MAD1L1: variants seen among roughly 807,000 people sequenced by gnomAD.
MAD1L1 encodes the protein mitotic arrest deficient 1 like 1.
In MAD1L1, 95 loss-of-function variants were observed where a neutral mutation model predicts 96.9. The ratio of observed to expected loss-of-function variants is 0.98; its 90% CI spans 0.83 to 1.16. The LOEUF is 1.16. MAD1L1 is among the 50% of genes most tolerant of loss of function. The probability of loss-of-function intolerance (pLI) is 0.00; values close to 1 mark genes in which losing one functional copy is unlikely to be tolerated. For synonymous variants in MAD1L1, 473 were observed against 396.6 expected, an observed-to-expected ratio of 1.19 and a Z score of -2.29; for missense variants, 1,007 against 954.4, an observed-to-expected ratio of 1.06 and a Z score of -0.73.
In MAD1L1 at chr7:1,820,039, G is replaced by A. The variant is rs1782043612; in HGVS notation, c.1999-3811C>T. Among the ~76,000 whole-genome samples the A allele has an allele frequency of 2.0e-5, 3 of 152,120 alleles. No homozygotes were observed. In the South Asian group the frequency reaches 6.2e-4, roughly 32 times the overall value. ...GAAACGATGCTACTTCGAGATACTG[G>A]GAAGTTATGTGAATGCTGTTCATCT... On this transcript the variant is annotated intron_variant, in intron 18 of 18. Coordinates refer to ENST00000265854, the MANE Select transcript of MAD1L1 (RefSeq NM_001013836.2).
intron 18 of MAD1L1, among the ~76,000 whole-genome samples, chr7:1,887,188 T>C (rs570328906): frequency 6.6e-6 from 1 of 152,368 alleles, no homozygotes; most frequent in East Asian, 1.9e-4. Flanking sequence ...ATGGGACGCC[T>C]GGGAGAGACA....
At chr7:2,102,223 TCGCCAC>T (rs1292345651) in intron 11 of MAD1L1, among the ~76,000 whole-genome samples, 1 of 143,648 alleles carries the variant, frequency 7.0e-6, no homozygotes, top group African/African-American at 2.6e-5. Flanking sequence ...ACCGCCACCG[TCGCCAC>T]CGCCACCACC....
rs889451091 is a variant in MAD1L1 at position 2,019,903 on chromosome 7, GT to G, written c.1219-5262del. On this transcript the variant is annotated intron_variant, in intron 12 of 18. Coordinates refer to ENST00000265854, the MANE Select transcript of MAD1L1 (RefSeq NM_001013836.2). Reference sequence around the variant, plus strand: ...CCTGGGCCTGCTGCCCCTAAACGAGGTTTTTTTTTTTGACAACTGACTGTTT... The same window carrying G: ...CCTGGGCCTGCTGCCCCTAAACGAGGTTTTTTTTTTGACAACTGACTGTTT... 5.9e-4 allele frequency among the ~76,000 whole-genome samples: 88 copies of G among 149,520 alleles called. 1 individual carries two copies. In the South Asian group the frequency reaches 5.9e-3, roughly 10 times the overall value.
At chr7:2,127,487 C>T (rs1788286695) in intron 11 of MAD1L1, among the ~76,000 whole-genome samples, 1 of 152,202 alleles carries the variant, frequency 6.6e-6, no homozygotes, top group South Asian at 2.1e-4. Context: ...GGAGGAGCAG[C>T]TGCACACGGG....
At chr7:1,994,658 G>A (rs759295805) in intron 14 of MAD1L1, among the ~76,000 whole-genome samples, 5 of 152,106 alleles carry the variant, frequency 3.3e-5, no homozygotes, top group Admixed American at 1.3e-4. Flanking sequence ...GGAGCCTCGG[G>A]GGGGGGATTA....
Position 2,149,209 on chromosome 7 carries a change from A to G in MAD1L1, c.1016T>C (p.Val339Ala), listed in dbSNP as rs1562731415. ...RTPEDLSRFV[V>A]ELQQRELALK... ...GGCAAGCTCCCTCTGCTGCAGCTCA[A>G]CCACGAATCTGGAAAGGTCTTCTGG... Residue 339 changes from valine to alanine, a missense_variant, in exon 11 of 19, where the codon GTT (valine) becomes GCT (alanine). Transcript: ENST00000265854. The G allele has an allele frequency of 6.2e-7, 1 of 1,614,080 alleles. No homozygotes were observed. The highest frequency in any genetic ancestry group is 8.5e-7 in the Non-Finnish European group (1 of 1,180,012).
At chr7:2,185,837 C>T (rs190298814) in intron 10 of MAD1L1, among the ~76,000 whole-genome samples, 278 of 152,340 alleles carry the variant, frequency 1.8e-3, no homozygotes, top group Middle Eastern at 6.8e-3. Flanking sequence ...ACCGGACTCA[C>T]CCCCACCCCC....
At chr7:2,027,114 A>C (rs981702541) in intron 12 of MAD1L1, among the ~76,000 whole-genome samples, 4 of 152,188 alleles carry the variant, frequency 2.6e-5, no homozygotes, top group Non-Finnish European at 4.4e-5. Context: ...TTTTGATAAA[A>C]TGAAGTTTTA....
intron 12 of MAD1L1, among the ~76,000 whole-genome samples, chr7:2,023,531 G>A (rs893695364): frequency 3.3e-5 from 5 of 152,164 alleles, no homozygotes; most frequent in Non-Finnish European, 7.3e-5. Context: ...CAAAAGCCAT[G>A]CTTAGAGGAA....
chr7:2,141,957 G>A lies in MAD1L1; in HGVS notation c.1073+7195C>T, dbSNP rs551100581. ...CACCAGCCAGGCCAGGGTCGCCGGGGCAGCCATCACCGGCCAGCAGGTGGA... is the reference window on the plus strand; with the variant it reads ...CACCAGCCAGGCCAGGGTCGCCGGGACAGCCATCACCGGCCAGCAGGTGGA... On this transcript the variant is annotated intron_variant, in intron 11 of 18. Transcript: ENST00000265854. Among the ~76,000 whole-genome samples, 150 of 152,340 alleles carry A rather than the reference G, an allele frequency of 9.8e-4. No individual in the cohort carries two copies. The South Asian group carries it at 0.01, about 10-fold the overall frequency.
chr7:1,912,557 C>T (rs1184854118), intron 17 of MAD1L1, among the ~76,000 whole-genome samples: 7 of 152,152 alleles, frequency 4.6e-5, no homozygotes, highest in South Asian at 4.1e-4. Flanking sequence ...TCCCTGCCGC[C>T]GATGCATCAG....
chr7:1,926,127 C>A (rs768403638), intron 17 of MAD1L1, among the ~76,000 whole-genome samples: 1 of 152,160 alleles, frequency 6.6e-6, no homozygotes, highest in Non-Finnish European at 1.5e-5. Flanking sequence ...AGAGCACAGA[C>A]AATTCACTGC....
chr7:1,828,483 G>A (rs948437494), intron 18 of MAD1L1, among the ~76,000 whole-genome samples: 1 of 152,206 alleles, frequency 6.6e-6, no homozygotes, highest in Non-Finnish European at 1.5e-5. Flanking sequence ...GGCTGGACCA[G>A]TGCCTGTCTC....
chr7:2,000,828 G>A (rs1342744126), intron 14 of MAD1L1, among the ~76,000 whole-genome samples: 48 of 152,242 alleles, frequency 3.2e-4, no homozygotes, highest in Admixed American at 3.1e-3. Context: ...CCTTGGTCCT[G>A]CAGATGCCAG....
intron 18 of MAD1L1, among the ~76,000 whole-genome samples, chr7:1,897,060 C>T (rs557818242): frequency 6.6e-6 from 1 of 150,872 alleles, no homozygotes; most frequent in South Asian, 2.1e-4. Flanking sequence ...ATCTGAGAAG[C>T]AGGAAATCCA....
At chr7:2,018,999 G>A (rs10254204) in intron 12 of MAD1L1, among the ~76,000 whole-genome samples, 122,752 of 152,118 alleles carry the variant, frequency 0.81, 52,316 homozygotes, top group Non-Finnish European at 0.95. Context: ...GAAATGTATG[G>A]TCATAAATAG....
chr7:1,911,655 C>T (rs1013749121), intron 17 of MAD1L1, among the ~76,000 whole-genome samples: 2 of 152,200 alleles, frequency 1.3e-5, no homozygotes, highest in Non-Finnish European at 2.9e-5. Flanking sequence ...CCCTCTTGGG[C>T]ATCCCAACCC....
chr7:2,141,840 C>T lies in MAD1L1; in HGVS notation c.1073+7312G>A, dbSNP rs1045274357. Among the ~76,000 whole-genome samples the T allele has an allele frequency of 4.6e-5, 7 of 152,360 alleles. No homozygotes were observed. The East Asian group carries it at 1.4e-3, about 29-fold the overall frequency. On this transcript the variant is annotated intron_variant, in intron 11 of 18. Transcript: ENST00000265854. ...GGCCCAGCTCCTCCACATGGCCTGG[C>T]TCCCGGGACAGGTGCCGCCAAGTCC...
intron 5 of MAD1L1, among the ~76,000 whole-genome samples, chr7:2,219,992 C>A (rs1034247707): frequency 6.6e-6 from 1 of 152,166 alleles, no homozygotes; most frequent in Non-Finnish European, 1.5e-5. Context: ...CCCAAAGTCC[C>A]ATCAGACATC....
Sources: allele counts gnomAD v4.1 joint callset (sites outside exome capture counted in the v4.1 genomes callset), GRCh38; gene constraint gnomAD v4.1.1; transcripts MANE v1.5; gene names NCBI Gene and HGNC (gene_info 2026-07-23, HGNC 2026-07-21).